The following TBC1D30 variants were observed in gnomAD, a reference collection of about 807,000 sequenced individuals.
TBC1D30 encodes TBC1 domain family, member 30.
TBC1D30 carries 31 observed loss-of-function variants against 63.2 expected under a neutral mutation model. The ratio of observed to expected loss-of-function variants is 0.49; its 90% CI spans 0.37 to 0.66. The LOEUF (loss-of-function observed/expected upper bound fraction) is 0.66. TBC1D30 is among the 30% of genes least tolerant of loss of function. The pLI, the probability that TBC1D30 is intolerant of heterozygous loss-of-function variation, is 0.00. For synonymous variants in TBC1D30, 307 were observed against 361.5 expected (o/e 0.85, Z 1.71); for missense variants, 810 against 953.6 (o/e 0.85, Z 1.98).
rs1592607161 is a variant in TBC1D30 at position 64,832,188 on chromosome 12, C to T, written c.478C>T (p.Arg160Trp). 8 of 1,536,096 alleles carry T rather than the reference C, an allele frequency of 5.2e-6. No homozygotes were observed. Among genetic ancestry groups the T allele is most frequent in the South Asian group, 2.4e-5 (2 of 84,062 alleles). Residue 160 changes from arginine (R) to tryptophan (W), a missense_variant, in exon 5 of 12, where the codon CGG becomes TGG. By Grantham distance (101) the Arg-to-Trp change is moderately radical. This residue lies in a region of TBC1D30 where 272 missense variants were observed against 335.9 expected (regional missense o/e 0.81). Coordinates refer to ENST00000539867, the MANE Select transcript of TBC1D30 (RefSeq NM_015279.2). The stretch of plus-strand genomic sequence containing the variant: ...TGAGCAGGACAGGGTTGTGTTGAAG[C>T]GGGTGCTGCTGGCCTATGCCCGATG... The part of the protein sequence containing the change: ...EAEQDRVVLK[R>W]VLLAYARWNK...
At chr12:64,796,601 A>G (rs1317498698) in intron 2 of TBC1D30, among the ~76,000 whole-genome samples, 1 of 152,162 alleles carries the variant, frequency 6.6e-6, no homozygotes, top group Non-Finnish European at 1.5e-5. Context: ...ATGTATTGTG[A>G]CCATTTTTGT....
At chr12:64,780,780 G>C in exon 1 of TBC1D30, 1 of 988,898 alleles carries the variant, frequency 1.0e-6, no homozygotes, top group Non-Finnish European at 1.2e-6. Context: ...GAGGAGCAGC[G>C]GGAGCCGGGC....
Position 64,864,676 on chromosome 12 carries a change from T to A in TBC1D30, c.1047T>A (p.Tyr349Ter). Residue 349 changes from tyrosine to a stop codon, truncating the protein, a stop_gained, in exon 9 of 12, where the codon TAT (tyrosine) becomes TAA (stop). Transcript: ENST00000539867. LOFTEE classifies it high-confidence loss of function. Reference protein sequence around the residue: ...LQSHELMQTVYSMAPFPFPQL... With the variant: ...LQSHELMQTV ...TTGCTTTTGTTTTACAGACTGTTTA[T>A]TCCATGGCTCCGTTCCCTTTCCCAC... The A allele has an allele frequency of 6.5e-7, 1 of 1,536,290 alleles. No individual in the cohort carries two copies. The highest frequency in any genetic ancestry group is 8.7e-7 in the Non-Finnish European group (1 of 1,146,706).
At chr12:64,831,182 A>G (rs1480302585) in intron 4 of TBC1D30, among the ~76,000 whole-genome samples, 2 of 152,230 alleles carry the variant, frequency 1.3e-5, no homozygotes, top group Non-Finnish European at 2.9e-5. Flanking sequence ...GGCCACCTCA[A>G]GATGGCTAAT....
intron 4 of TBC1D30, 98 bp from the exon 5 acceptor site, chr12:64,832,021 G>T: frequency 1.7e-6 from 2 of 1,180,446 alleles, no homozygotes; most frequent in Non-Finnish European, 2.2e-6. Context: ...ATTTTATGTC[G>T]ATGATTTGAC....
intron 8 of TBC1D30, among the ~76,000 whole-genome samples, chr12:64,844,408 G>A (rs184622030): frequency 3.9e-4 from 60 of 152,232 alleles, no homozygotes; most frequent in African/African-American, 1.4e-3. Context: ...GCACGTAGTA[G>A]GTGCATATAT....
intron 2 of TBC1D30, among the ~76,000 whole-genome samples, chr12:64,819,492 C>T (rs1200457301): frequency 7.0e-6 from 1 of 143,098 alleles, no homozygotes; most frequent in Non-Finnish European, 1.5e-5. Context: ...TCTCGGCTCA[C>T]TGCAAGCTCC....
chr12:64,791,458 T>A (rs780895790), intron 2 of TBC1D30, among the ~76,000 whole-genome samples: 1 of 152,044 alleles, frequency 6.6e-6, no homozygotes, highest in Non-Finnish European at 1.5e-5. Context: ...AGAGAAAAAA[T>A]TATTTTTTAA....
chr12:64,767,908 C>T (rs76724085), intron 1 of TBC1D30, among the ~76,000 whole-genome samples: 2 of 150,832 alleles, frequency 1.3e-5, no homozygotes, highest in African/African-American at 2.4e-5. Context: ...AAAAAAAAAA[C>T]TGCTGCATTT....
rs1016445885 is a variant in TBC1D30, at chr12:64,876,729, T to G, written c.*941T>G. The G allele has an allele frequency of 2.2e-6, 1 of 452,448 alleles. No individual in the cohort carries two copies. The highest frequency in any genetic ancestry group is 4.5e-6 in the Non-Finnish European group (1 of 224,312). The allele number at this position is 452,448 out of a possible 1,614,324, so 28.0% of individuals were successfully genotyped here. A position where few individuals can be genotyped will look rare whatever the true frequency, so the allele number is the denominator to read the frequency against. Reference sequence around the variant, plus strand: ...TGACTCTGTTACTTGAATTTTGTGCTTTTTGATTGGAGTCCTTTGTTGAGT... The same window carrying G: ...TGACTCTGTTACTTGAATTTTGTGCGTTTTGATTGGAGTCCTTTGTTGAGT... On this transcript the variant is annotated 3_prime_UTR_variant, in exon 12 of 12. Transcript: ENST00000539867.
chr12:64,866,852 T>C lies in TBC1D30; in HGVS notation c.1240T>C (p.Phe414Leu). ...TAATGCAGTGGGGTGTCTTGGACCT[T>C]TTAGTGGGTTCCTGGCTCCTGAACT... ...VVNAVGCLGP[F>L]SGFLAPELQK... The change falls in exon 10 of 12, where the codon TTT (phenylalanine) becomes CTT (leucine). Residue 414 changes from phenylalanine to leucine, a missense_variant. By Grantham distance (22) the Phe-to-Leu change is conservative (BLOSUM62 0). Transcript: ENST00000539867. The C allele has an allele frequency of 6.5e-7, 1 of 1,536,270 alleles. No individual in the cohort carries two copies. Among genetic ancestry groups the C allele is most frequent in the Non-Finnish European group, 8.7e-7 (1 of 1,146,950 alleles).
At chr12:64,795,866 C>A (rs1444104384) in intron 2 of TBC1D30, among the ~76,000 whole-genome samples, 1 of 150,462 alleles carries the variant, frequency 6.6e-6, no homozygotes, top group Non-Finnish European at 1.5e-5. Context: ...TTCATAAACT[C>A]ATTTCTTTTG....
chr12:64,767,000 G>C (rs529696991), intron 1 of TBC1D30, among the ~76,000 whole-genome samples: 1 of 152,128 alleles, frequency 6.6e-6, no homozygotes, highest in Non-Finnish European at 1.5e-5. Flanking sequence ...TGAGATGAAT[G>C]AATATGAATA....
intron 8 of TBC1D30, among the ~76,000 whole-genome samples, chr12:64,860,750 A>T (rs1002582368): frequency 1.3e-5 from 2 of 152,196 alleles, no homozygotes; most frequent in African/African-American, 2.4e-5. Context: ...TAATTCTGTC[A>T]TGTTAGAGAG....
chr12:64,854,040 T>C (rs1406343801), intron 8 of TBC1D30, among the ~76,000 whole-genome samples: 2 of 152,210 alleles, frequency 1.3e-5, no homozygotes, highest in Non-Finnish European at 2.9e-5. Context: ...ATTCAGCCAC[T>C]CTGTGTCTTT....
At chr12:64,792,871 G>C (rs1872008797) in intron 2 of TBC1D30, among the ~76,000 whole-genome samples, 1 of 152,204 alleles carries the variant, frequency 6.6e-6, no homozygotes, top group South Asian at 2.1e-4. Flanking sequence ...ACTATGCCCA[G>C]CCTAGGCTAG....
Position 64,880,088 on chromosome 12 carries a change from T to TCA in TBC1D30, c.*4300_*4301insCA, listed in dbSNP as rs1491306316. 1 of 152,184 alleles carries TCA rather than the reference T, an allele frequency of 6.6e-6. No individual in the cohort carries two copies. Among genetic ancestry groups the TCA allele is most frequent in the Non-Finnish European group, 1.5e-5 (1 of 68,032 alleles). 9.4% of individuals were successfully genotyped at this position (152,184 alleles called of 1,614,324 possible). On this transcript the variant is annotated 3_prime_UTR_variant, in exon 12 of 12. Coordinates refer to ENST00000539867, the MANE Select transcript of TBC1D30 (RefSeq NM_015279.2). ...GTATTTGGACCATTGAAGTGGGAGT[T>TCA]ATCTGTTATCCACATCAGGCAGCTC...
intron 1 of TBC1D30, among the ~76,000 whole-genome samples, chr12:64,760,691 A>T (rs1434248050): frequency 6.6e-6 from 1 of 152,112 alleles, no homozygotes; most frequent in East Asian, 1.9e-4. Context: ...TTTGCCAAGA[A>T]GAGTCTCTTA....
At chr12:64,818,779 A>G (rs554688753) in intron 2 of TBC1D30, 7 of 152,230 alleles carry the variant, frequency 4.6e-5, no homozygotes, top group African/African-American at 1.7e-4. Context: ...TGTGTTCATA[A>G]TTTTCTCTCT....
Sources: gnomAD v4.1 joint callset for allele counts (sites outside exome capture counted in the v4.1 genomes callset) on GRCh38, gnomAD v4.1.1 for gene constraint, gnomAD v4.1.1 regional missense constraint, MANE v1.5 for transcripts, NCBI Gene and HGNC (gene_info 2026-07-23, HGNC 2026-07-21) for gene names.